RPTOR: variants seen among roughly 807,000 people sequenced by gnomAD.
RPTOR encodes the protein regulatory associated protein of MTOR complex 1, also known as regulatory-associated protein of mTOR.
In RPTOR, 21 loss-of-function variants were observed where a neutral mutation model predicts 169.9. The observed-to-expected ratio is 0.12, with a 90% CI of 0.09 to 0.18. The LOEUF is 0.18. Ranked by LOEUF, RPTOR falls within the 10% of genes least tolerant of loss-of-function variation. The pLI is 1.00. For missense variants in RPTOR, 1,133 were observed against 1,855.9 expected, an observed-to-expected ratio of 0.61 and a Z score of 7.16; for synonymous variants, 732 against 753.2, an observed-to-expected ratio of 0.97 and a Z score of 0.46.
At chr17:80,951,671 T>G (rs1167118203) in intron 28 of RPTOR, among the ~76,000 whole-genome samples, 1 of 152,194 alleles carries the variant, frequency 6.6e-6, no homozygotes, top group African/African-American at 2.4e-5. Context: ...ACCAGTTCAC[T>G]CGGCATCACA....
intron 21 of RPTOR, among the ~76,000 whole-genome samples, chr17:80,916,603 G>A (rs2143956947): frequency 6.6e-6 from 1 of 152,352 alleles, no homozygotes; most frequent in South Asian, 2.1e-4. Flanking sequence ...CTCGGGCAAA[G>A]GCGTCACCAG....
intron 5 of RPTOR, among the ~76,000 whole-genome samples, chr17:80,741,508 G>A (rs1364781115): frequency 6.6e-6 from 1 of 152,238 alleles, no homozygotes; most frequent in Non-Finnish European, 1.5e-5. Context: ...TGGGTGGAAT[G>A]GAGCAGCTGT....
chr17:80,706,642 C>T (rs1462604685), intron 3 of RPTOR, among the ~76,000 whole-genome samples: 1 of 152,220 alleles, frequency 6.6e-6, no homozygotes. Flanking sequence ...TAATGAGAGG[C>T]CCTAGGGGAG....
At chr17:80,800,576 C>G (rs1397820433) in intron 7 of RPTOR, among the ~76,000 whole-genome samples, 3 of 152,062 alleles carry the variant, frequency 2.0e-5, no homozygotes, top group Admixed American at 6.6e-5. Flanking sequence ...CTCGAGCGAC[C>G]CCCCCAGTTT....
At chr17:80,946,168 G>T (rs773507123) in intron 26 of RPTOR, among the ~76,000 whole-genome samples, 1 of 152,198 alleles carries the variant, frequency 6.6e-6, no homozygotes, top group Non-Finnish European at 1.5e-5. Flanking sequence ...CAGGAGAGAA[G>T]TGAGTTTAAC....
At position 80,659,358 on chromosome 17, in the gene RPTOR, C is replaced by A. The variant is rs1463664757; in HGVS notation, c.348+15548C>A. ...GCTGCTTTTTTTCTTTTGAAACAGG[C>A]TCTCGCTCTGTCACCCAGGCTGGGG... On this transcript the variant is annotated intron_variant, in intron 3 of 33. Transcript: ENST00000306801. The surrounding 1 kb of genome is among the most constrained non-coding windows in gnomAD (Gnocchi z 4.3). Among the ~76,000 whole-genome samples the A allele has an allele frequency of 1.3e-5, 2 of 152,110 alleles. No individual in the cohort carries two copies. The highest frequency in any genetic ancestry group is 2.9e-5 in the Non-Finnish European group (2 of 68,016).
chr17:80,890,013 G>A (rs28385493), intron 17 of RPTOR, among the ~76,000 whole-genome samples: 34 of 145,254 alleles, frequency 2.3e-4, no homozygotes, highest in African/African-American at 8.8e-4. Flanking sequence ...GCCCCCGTAC[G>A]CAGCAGGATG....
intron 3 of RPTOR, among the ~76,000 whole-genome samples, chr17:80,690,441 AG>A (rs2065981561): frequency 6.6e-6 from 1 of 152,196 alleles, no homozygotes; most frequent in South Asian, 2.1e-4. Flanking sequence ...TTAATCCAAA[AG>A]TCAGTCCCTC....
chr17:80,941,117 C>T (rs2069020842), intron 25 of RPTOR: 1 of 154,368 alleles, frequency 6.5e-6, no homozygotes, highest in Admixed American at 6.4e-5. Flanking sequence ...CCACTTGTCC[C>T]TGAAATGGTG....
At chr17:80,571,949 G>A (rs1436131712) in intron 1 of RPTOR, among the ~76,000 whole-genome samples, 3 of 152,206 alleles carry the variant, frequency 2.0e-5, no homozygotes, top group Non-Finnish European at 4.4e-5. Flanking sequence ...ATTTAGGTAT[G>A]CTGTAGGGAT....
At position 80,665,312 on chromosome 17, in the gene RPTOR, A is replaced by G. The variant is rs2065755280; in HGVS notation, c.348+21502A>G. On this transcript the variant is annotated intron_variant, in intron 3 of 33. Transcript: ENST00000306801. ...ACACTGCTTGTTTTCTTCTTGAGAA[A>G]ATTTTTTTCTTTTCTTTTCCCTTTC... is the stretch of plus-strand genomic sequence containing the variant. 2.3e-5 allele frequency among the ~76,000 whole-genome samples: 3 copies of G among 130,546 alleles called. 1 individual carries two copies. The Admixed American group carries it at 2.3e-4, about 10-fold the overall frequency. 85.6% of individuals were successfully genotyped at this position (130,546 alleles called of 152,430 possible). A position where few individuals can be genotyped will look rare whatever the true frequency, so the allele number is the denominator to read the frequency against.
At chr17:80,855,205 G>T (rs2067839268) in intron 11 of RPTOR, among the ~76,000 whole-genome samples, 1 of 152,216 alleles carries the variant, frequency 6.6e-6, no homozygotes, top group Non-Finnish European at 1.5e-5. Flanking sequence ...CTTTTTAAAT[G>T]CAATTAAAGC....
chr17:80,900,352 T>G (rs2068460128), intron 20 of RPTOR, among the ~76,000 whole-genome samples: 2 of 150,710 alleles, frequency 1.3e-5, no homozygotes, highest in Admixed American at 6.6e-5. Context: ...TGAGATGGAG[T>G]TTTCCTCTTG....
At chr17:80,722,644 T>G (rs1293055083) in intron 4 of RPTOR, among the ~76,000 whole-genome samples, 1 of 151,234 alleles carries the variant, frequency 6.6e-6, no homozygotes, top group Admixed American at 6.6e-5. Flanking sequence ...GGATCAAAAC[T>G]AGGTTTGCAT....
At chr17:80,650,405 G>A (rs995595841) in intron 3 of RPTOR, among the ~76,000 whole-genome samples, 13 of 152,202 alleles carry the variant, frequency 8.5e-5, no homozygotes, top group Admixed American at 3.9e-4. Flanking sequence ...CCGCAGAGTC[G>A]TGCTGGGCTC....
intron 24 of RPTOR, among the ~76,000 whole-genome samples, chr17:80,939,190 T>A (rs780212392): frequency 3.3e-5 from 5 of 152,244 alleles, no homozygotes; most frequent in Non-Finnish European, 7.3e-5. Flanking sequence ...ATTAGCCAGA[T>A]TGACTGGACG....
chr17:80,563,831 C>G (rs2084535850), intron 1 of RPTOR, among the ~76,000 whole-genome samples: 3 of 152,116 alleles, frequency 2.0e-5, no homozygotes, highest in Admixed American at 6.5e-5. Flanking sequence ...TGCCCCCAGT[C>G]GTGCCCACCC....
rs1286416690 is a variant in RPTOR at position 80,898,731 on chromosome 17, ACCCCTGCTCACCCCG to A, written c.2401+4884_2401+4898del. On this transcript the variant is annotated intron_variant, in intron 20 of 33. Transcript: ENST00000306801. ...GGCTCCCCCCGCACCTGCTCACCCAACCCCTGCTCACCCCGCCCCTGCTCACCCCGCCGTCTCCGT... is the reference window on the plus strand; with the variant it reads ...GGCTCCCCCCGCACCTGCTCACCCAACCCCTGCTCACCCCGCCGTCTCCGT... Among the ~76,000 whole-genome samples, 25 of 122,386 alleles carry A rather than the reference ACCCCTGCTCACCCCG, an allele frequency of 2.0e-4. No homozygotes were observed. The East Asian group carries it at 3.9e-3, about 19-fold the overall frequency. 80.3% of individuals were successfully genotyped at this position (122,386 alleles called of 152,430 possible).
In RPTOR at chr17:80,815,363, G is replaced by A. The variant is rs530895149; in HGVS notation, c.891-6838G>A. On this transcript the variant is annotated intron_variant, in intron 7 of 33. Coordinates refer to ENST00000306801, the MANE Select transcript of RPTOR (RefSeq NM_020761.3). ...AACTCGGAGGTGGCCAGACTCTGTAGCTCAGCTGTGCTACAGGGCCACCCA... is the reference window on the plus strand; with the variant it reads ...AACTCGGAGGTGGCCAGACTCTGTAACTCAGCTGTGCTACAGGGCCACCCA... Among the ~76,000 whole-genome samples, 19 of 152,352 alleles carry A rather than the reference G, an allele frequency of 1.2e-4. No individual in the cohort carries two copies. The East Asian group carries it at 3.7e-3, about 29-fold the overall frequency.
Sources: gnomAD v4.1 joint callset for allele counts (sites outside exome capture counted in the v4.1 genomes callset) on GRCh38, gnomAD v4.1.1 for gene constraint, Gnocchi (gnomAD v3.1) non-coding constraint, MANE v1.5 for transcripts, NCBI Gene and HGNC (gene_info 2026-07-23, HGNC 2026-07-21) for gene names.